The following SOAT1 variants were observed in gnomAD, a reference collection of about 807,000 sequenced individuals.
The protein encoded by SOAT1 is acyl-coenzyme A:cholesterol acyltransferase 1.
Under a neutral mutation model 69.5 loss-of-function variants are expected in SOAT1, and 55 were observed. The observed-to-expected ratio is 0.79, with a 90% CI of 0.64 to 0.99. The LOEUF is 0.99. SOAT1 is among the 50% of genes least tolerant of loss of function. SOAT1 has a pLI of 0.00. For missense variants in SOAT1, 580 were observed against 669.3 expected, an observed-to-expected ratio of 0.87 and a Z score of 1.47; for synonymous variants, 231 against 224.7, an observed-to-expected ratio of 1.03 and a Z score of -0.25.
Position 179,339,469 on chromosome 1 carries a change from A to C in SOAT1, c.421A>C (p.Ile141Leu). The C allele has an allele frequency of 6.2e-7, 1 of 1,613,016 alleles. No homozygotes were observed. Among genetic ancestry groups the C allele is most frequent in the Non-Finnish European group, 8.5e-7 (1 of 1,179,512 alleles). Reference sequence around the variant, plus strand: ...GCTTGAAGTGGACCACATCAGAACAATATATCACATGTTTATTGCCCTCCT... The same window carrying C: ...GCTTGAAGTGGACCACATCAGAACACTATATCACATGTTTATTGCCCTCCT... ...ELLEVDHIRT[I>L]YHMFIALLIL... The change falls in exon 6 of 16, where the codon ATA (isoleucine) becomes CTA (leucine). Residue 141 changes from isoleucine (I) to leucine (L), a missense_variant. By Grantham distance (5) the Ile-to-Leu change is conservative. Coordinates refer to ENST00000367619, the MANE Select transcript of SOAT1 (RefSeq NM_003101.6).
rs994487449 is a variant in SOAT1 at position 179,354,796 on chromosome 1, A to G, written c.*1155A>G. The G allele has an allele frequency of 6.6e-6, 1 of 152,206 alleles. No homozygotes were observed. The highest frequency in any genetic ancestry group is 1.5e-5 in the Non-Finnish European group (1 of 68,036). 9.4% of individuals were successfully genotyped at this position (152,206 alleles called of 1,614,324 possible). On this transcript the variant is annotated 3_prime_UTR_variant, in exon 16 of 16. Coordinates refer to ENST00000367619, the MANE Select transcript of SOAT1 (RefSeq NM_003101.6). ...TTATAAGATGCCCATTTCTAATACA[A>G]TGTGTGTAGGAATTATTTGTATGTA... is the stretch of plus-strand genomic sequence containing the variant.
At chr1:179,304,675 A>T (rs2124938196) in intron 2 of SOAT1, among the ~76,000 whole-genome samples, 1 of 151,084 alleles carries the variant, frequency 6.6e-6, no homozygotes, top group East Asian at 2.0e-4. Context: ...TCCTAATTGG[A>T]GATAGTCTCG....
At chr1:179,324,272 A>G (rs906881089) in intron 3 of SOAT1, among the ~76,000 whole-genome samples, 2 of 152,226 alleles carry the variant, frequency 1.3e-5, no homozygotes, top group African/African-American at 4.8e-5. Flanking sequence ...TTTGATGTCA[A>G]TGTCTTTGTT....
intron 11 of SOAT1, among the ~76,000 whole-genome samples, chr1:179,346,206 T>C (rs1666529152): frequency 6.6e-6 from 1 of 152,202 alleles, no homozygotes; most frequent in African/African-American, 2.4e-5. Context: ...TGTTACATAC[T>C]TGAGTGTCTT....
chr1:179,302,813 ATTTT>A lies in SOAT1; in HGVS notation c.118+20_118+23del. 8.1e-7 allele frequency: 1 copy of A among 1,230,770 alleles called. No homozygotes were observed. Among genetic ancestry groups the A allele is most frequent in the Non-Finnish European group, 1.1e-6 (1 of 907,912 alleles). 76.2% of individuals were successfully genotyped at this position (1,230,770 alleles called of 1,614,324 possible). A position where few individuals can be genotyped will look rare whatever the true frequency, so the allele number is the denominator to read the frequency against. On this transcript the variant is annotated intron_variant, in intron 2 of 15. Transcript: ENST00000367619. ...AGACACCTAGTAATGGTGAGGCTTA[ATTTT>A]TTTTTTTTAGGTGAATTAGTGAAAT...
Position 179,351,458 on chromosome 1 carries a change from A to C in SOAT1, c.1592A>C (p.Lys531Thr). The C allele has an allele frequency of 4.3e-6, 7 of 1,611,642 alleles. No homozygotes were observed. Among genetic ancestry groups the C allele is most frequent in the Non-Finnish European group, 5.9e-6 (7 of 1,179,410 alleles). Residue 531 changes from lysine (K) to threonine (T), a missense_variant, in exon 15 of 16, where the codon AAA (lysine) becomes ACA (threonine). Lys to Thr is a moderately conservative substitution (Grantham distance 78). Coordinates refer to ENST00000367619, the MANE Select transcript of SOAT1 (RefSeq NM_003101.6). ...EWYARQHCPL[K>T]NPTFLDYVRP... ...TATGCACGTCAGCACTGTCCTCTGAAAAATGTGAGTCACCAACCTGGTTGG... is the reference window on the plus strand; with the variant it reads ...TATGCACGTCAGCACTGTCCTCTGACAAATGTGAGTCACCAACCTGGTTGG...
intron 2 of SOAT1, among the ~76,000 whole-genome samples, chr1:179,307,828 G>A (rs1023213430): frequency 7.2e-6 from 1 of 139,440 alleles, no homozygotes; most frequent in Non-Finnish European, 1.5e-5. Context: ...TTTTGCTCTT[G>A]TTGCCCAGGC....
intron 4 of SOAT1, among the ~76,000 whole-genome samples, chr1:179,336,470 CA>C (rs71569242): frequency 0.25 from 20,101 of 79,344 alleles, 1,118 homozygotes; most frequent in African/African-American, 0.37. Context: ...ACCCTGTCTC[CA>C]AAAAAAAAAA....
intron 3 of SOAT1, among the ~76,000 whole-genome samples, chr1:179,324,631 AGCACTAC>A (rs1431558421): frequency 3.3e-5 from 5 of 152,240 alleles, no homozygotes; most frequent in Non-Finnish European, 7.3e-5. Context: ...GTAAGCCTCC[AGCACTAC>A]AGTGATGAAG....
Position 179,340,548 on chromosome 1 carries a change from T to C in SOAT1, c.498-480T>C, listed in dbSNP as rs543068450. ...AGCGTGGTAATCATGGATTGAATTA[T>C]GTACTTTTTTTGAAAATTAAGTTTG... On this transcript the variant is annotated intron_variant, in intron 6 of 15. Coordinates refer to ENST00000367619, the MANE Select transcript of SOAT1 (RefSeq NM_003101.6). Among the ~76,000 whole-genome samples, 8 of 152,296 alleles carry C rather than the reference T, an allele frequency of 5.3e-5. No individual in the cohort carries two copies. The South Asian group carries it at 1.7e-3, about 32-fold the overall frequency.
At chr1:179,347,103 A>T (rs189727888) in intron 11 of SOAT1, among the ~76,000 whole-genome samples, 1 of 152,124 alleles carries the variant, frequency 6.6e-6, no homozygotes, top group Non-Finnish European at 1.5e-5. Flanking sequence ...TCACGCCTGT[A>T]ATCCTAGCAC....
chr1:179,312,061 C>A (rs1255325808), intron 2 of SOAT1, among the ~76,000 whole-genome samples: 1 of 152,174 alleles, frequency 6.6e-6, no homozygotes, highest in Non-Finnish European at 1.5e-5. Flanking sequence ...AACTGAACAA[C>A]TAAAAGTTAC....
Position 179,358,309 on chromosome 1 carries a change from A to G in SOAT1, c.*4668A>G, listed in dbSNP as rs1666973136. 6.6e-6 allele frequency: 1 copy of G among 152,190 alleles called. No individual in the cohort carries two copies. Among genetic ancestry groups the G allele is most frequent in the Non-Finnish European group, 1.5e-5 (1 of 68,024 alleles). 9.4% of individuals were successfully genotyped at this position (152,190 alleles called of 1,614,324 possible). A position where few individuals can be genotyped will look rare whatever the true frequency, so the allele number is the denominator to read the frequency against. On this transcript the variant is annotated 3_prime_UTR_variant, in exon 16 of 16. Coordinates refer to ENST00000367619, the MANE Select transcript of SOAT1 (RefSeq NM_003101.6). Reference sequence around the variant, plus strand: ...CTCTTCCTTATTTCTACATTACTACATTCACATTTCTGCTGTCAATAAGCC... The same window carrying G: ...CTCTTCCTTATTTCTACATTACTACGTTCACATTTCTGCTGTCAATAAGCC...
At chr1:179,351,017 CTTTCTTTTTTTTTTTTTTTT>C (rs1397043331) in intron 14 of SOAT1, among the ~76,000 whole-genome samples, 1 of 13,952 alleles carries the variant, frequency 7.2e-5, no homozygotes, top group African/African-American at 3.1e-4. Context: ...CTGTATATTT[CTTTCTTTTTTTTTTTTTTTT>C]TTTTTTTTTT....
chr1:179,307,606 T>TC (rs1054900941), intron 2 of SOAT1, among the ~76,000 whole-genome samples: 1 of 136,616 alleles, frequency 7.3e-6, no homozygotes, highest in African/African-American at 2.9e-5. Context: ...TTTGCAGACT[T>TC]CAAAAAAAAA....
intron 8 of SOAT1, 42 bp downstream of exon 8, chr1:179,342,234 C>T (rs201244016): frequency 8.7e-6 from 12 of 1,378,252 alleles, no homozygotes; most frequent in African/African-American, 1.4e-5. Flanking sequence ...CTCCCCTCCC[C>T]TCCTCTCCCC....
chr1:179,314,619 T>C (rs1298996838), intron 2 of SOAT1, among the ~76,000 whole-genome samples: 1 of 151,938 alleles, frequency 6.6e-6, no homozygotes, highest in East Asian at 1.9e-4. Flanking sequence ...AATGGGGGGG[T>C]CTCACTTTGT....
intron 2 of SOAT1, among the ~76,000 whole-genome samples, chr1:179,303,353 A>T (rs377475650): frequency 1.1e-4 from 16 of 152,340 alleles, no homozygotes; most frequent in African/African-American, 3.8e-4. Flanking sequence ...GAGGAATACG[A>T]TAGTCCTTTG....
chr1:179,314,014 A>C (rs1398438656), intron 2 of SOAT1, among the ~76,000 whole-genome samples: 1 of 152,232 alleles, frequency 6.6e-6, no homozygotes, highest in Admixed American at 6.5e-5. Flanking sequence ...CATGGCATTA[A>C]GAGGCATCTG....
Sources: allele counts gnomAD v4.1 joint callset (sites outside exome capture counted in the v4.1 genomes callset), GRCh38; gene constraint gnomAD v4.1.1; transcripts MANE v1.5; gene names NCBI Gene and HGNC (gene_info 2026-07-23, HGNC 2026-07-21).